The following METTL15 variants were observed in gnomAD, a reference collection of about 807,000 sequenced individuals.
METTL15 encodes the protein 12S rRNA N(4)-cytidine methyltransferase METTL15.
In METTL15, 34 loss-of-function variants were observed where a neutral mutation model predicts 38.3. That is an observed-to-expected ratio of 0.89 (90% confidence interval 0.68 to 1.18). The LOEUF is 1.18. Among genes scored for constraint, METTL15 ranks in the 50% most tolerant of loss-of-function variants. METTL15 has a pLI of 0.00. For synonymous variants in METTL15, 162 were observed against 170.9 expected (o/e 0.95, Z 0.41); for missense variants, 438 against 498.4 (o/e 0.88, Z 1.15).
intron 4 of METTL15, among the ~76,000 whole-genome samples, chr11:28,245,215 A>G (rs774342729): frequency 5.3e-5 from 8 of 152,192 alleles, no homozygotes; most frequent in Non-Finnish European, 1.2e-4. Flanking sequence ...TGACTCTGGG[A>G]TAATTACTTA....
intron 3 of METTL15, among the ~76,000 whole-genome samples, chr11:28,195,645 C>G (rs57548699): frequency 6.6e-6 from 1 of 152,036 alleles, no homozygotes; most frequent in African/African-American, 2.4e-5. Flanking sequence ...CATATTTTCT[C>G]TCATTCTCTA....
intron 3 of METTL15, among the ~76,000 whole-genome samples, chr11:28,210,831 C>G (rs1435492057): frequency 3.3e-5 from 5 of 151,950 alleles, no homozygotes; most frequent in Non-Finnish European, 7.4e-5. Context: ...ATTAGCCAGT[C>G]TGTGTTAGAG....
chr11:28,413,411 A>T (rs1850746222), intron 5 of METTL15, among the ~76,000 whole-genome samples: 1 of 152,214 alleles, frequency 6.6e-6, no homozygotes, highest in African/African-American at 2.4e-5. Flanking sequence ...ACTTAAAAAA[A>T]GATTTATATT....
chr11:28,274,722 G>A (rs1157764282), intron 4 of METTL15, among the ~76,000 whole-genome samples: 2 of 151,802 alleles, frequency 1.3e-5, no homozygotes, highest in Non-Finnish European at 2.9e-5. Context: ...ATACTTGGTT[G>A]TATGTAGTTT....
At chr11:28,231,399 T>A (rs11030255) in intron 4 of METTL15, among the ~76,000 whole-genome samples, 2 of 151,718 alleles carry the variant, frequency 1.3e-5, no homozygotes, top group Admixed American at 6.6e-5. Flanking sequence ...TAATAAGATA[T>A]CGCTGATTAA....
chr11:28,522,153 C>A (rs555897060), intron 6 of METTL15, among the ~76,000 whole-genome samples: 1 of 152,126 alleles, frequency 6.6e-6, no homozygotes, highest in African/African-American at 2.4e-5. Context: ...GGCTCTGGAG[C>A]CAGCCCTCCC....
At chr11:28,470,567 G>A (rs1285682339) in intron 6 of METTL15, among the ~76,000 whole-genome samples, 4 of 152,152 alleles carry the variant, frequency 2.6e-5, no homozygotes, top group African/African-American at 4.8e-5. Context: ...AATAATGGCA[G>A]AGCAATAAGA....
At chr11:28,475,586 G>A (rs545903902) in intron 6 of METTL15, among the ~76,000 whole-genome samples, 2 of 152,258 alleles carry the variant, frequency 1.3e-5, no homozygotes, top group Non-Finnish European at 2.9e-5. Context: ...ATCTTCTACA[G>A]GGTGTATTCA....
chr11:28,199,995 C>T (rs1180992622), intron 3 of METTL15, among the ~76,000 whole-genome samples: 1 of 152,038 alleles, frequency 6.6e-6, no homozygotes, highest in East Asian at 1.9e-4. Context: ...CCACCTGCCT[C>T]GGCCTCCCAA....
At chr11:28,440,597 A>G (rs541069020) in intron 6 of METTL15, among the ~76,000 whole-genome samples, 1 of 152,204 alleles carries the variant, frequency 6.6e-6, no homozygotes, top group South Asian at 2.1e-4. Context: ...AATGGGAATA[A>G]TGTTCATAGC....
At chr11:28,383,671 G>T (rs999956999) in intron 5 of METTL15, among the ~76,000 whole-genome samples, 1 of 152,072 alleles carries the variant, frequency 6.6e-6, no homozygotes, top group Non-Finnish European at 1.5e-5. Context: ...ACTAGTGTGA[G>T]ATAGTATCTC....
chr11:28,364,808 G>A (rs1343547871), intron 5 of METTL15, among the ~76,000 whole-genome samples: 2 of 152,034 alleles, frequency 1.3e-5, no homozygotes, highest in Non-Finnish European at 2.9e-5. Flanking sequence ...GTATGATGTT[G>A]GACTTTGTCA....
intron 6 of METTL15, among the ~76,000 whole-genome samples, chr11:28,472,716 G>A: frequency 6.6e-6 from 1 of 152,122 alleles, no homozygotes; most frequent in East Asian, 1.9e-4. Context: ...AGGTTAAAAA[G>A]CCAAGAGGGT....
At chr11:28,502,436 C>T (rs572583055) in intron 6 of METTL15, among the ~76,000 whole-genome samples, 1 of 152,312 alleles carries the variant, frequency 6.6e-6, no homozygotes, top group Non-Finnish European at 1.5e-5. Flanking sequence ...AAACTTTATA[C>T]ACACAAACCC....
chr11:28,166,569 C>G (rs144052048), intron 3 of METTL15, among the ~76,000 whole-genome samples: 140 of 152,224 alleles, frequency 9.2e-4, no homozygotes, highest in South Asian at 1.9e-3. Context: ...AGAGAACTTA[C>G]GTTCTGGTTC....
intron 6 of METTL15, among the ~76,000 whole-genome samples, chr11:28,501,961 C>T (rs976984342): frequency 2.6e-5 from 4 of 151,916 alleles, no homozygotes; most frequent in Admixed American, 1.3e-4. Flanking sequence ...GTTAGCCGGG[C>T]GTGGTGGCGG....
chr11:28,518,746 G>A (rs1010559704), intron 6 of METTL15, among the ~76,000 whole-genome samples: 3 of 152,158 alleles, frequency 2.0e-5, no homozygotes, highest in Non-Finnish European at 2.9e-5. Flanking sequence ...CTAAGTTAGA[G>A]GCAACCTTTG....
chr11:28,465,393 AT>A (rs1851248836), intron 6 of METTL15, among the ~76,000 whole-genome samples: 1 of 151,846 alleles, frequency 6.6e-6, no homozygotes, highest in Non-Finnish European at 1.5e-5. Context: ...TATTACCTTT[AT>A]TTCTTCAATT....
chr11:28,483,253 G>C (rs754016196), intron 6 of METTL15, among the ~76,000 whole-genome samples: 1 of 152,148 alleles, frequency 6.6e-6, no homozygotes, highest in South Asian at 2.1e-4. Flanking sequence ...GACAGCCAGC[G>C]TATCTGGTGG....
Sources: gnomAD v4.1 joint callset for allele counts (sites outside exome capture counted in the v4.1 genomes callset) on GRCh38, gnomAD v4.1.1 for gene constraint, MANE v1.5 for transcripts, NCBI Gene and HGNC (gene_info 2026-07-23, HGNC 2026-07-21) for gene names.